The following SNRPN variants were observed in gnomAD, a reference collection of about 807,000 sequenced individuals.
SNRPN encodes the protein small nuclear ribonucleoprotein-associated protein N.
A neutral mutation model predicts 25.2 loss-of-function variants in SNRPN; 7 were observed. The observed-to-expected ratio is 0.28, with a 90% CI of 0.16 to 0.52. The LOEUF is 0.52. SNRPN is among the 20% of genes least tolerant of loss of function. SNRPN has a pLI of 0.96. For synonymous variants in SNRPN, 124 were observed against 110.6 expected, an observed-to-expected ratio of 1.12 and a Z score of -0.76; for missense variants, 196 against 322.5, an observed-to-expected ratio of 0.61 and a Z score of 3.00.
At chr15:24,831,248 T>C (rs2050490521) in intron 2 of SNRPN, among the ~76,000 whole-genome samples, 1 of 152,062 alleles carries the variant, frequency 6.6e-6, no homozygotes, top group Non-Finnish European at 1.5e-5. Flanking sequence ...AATAAAGCTA[T>C]GCCTGCTTTC....
At chr15:24,871,383 T>A (rs999662119) in intron 1 of SNRPN, among the ~76,000 whole-genome samples, 1 of 151,982 alleles carries the variant, frequency 6.6e-6, no homozygotes, top group Admixed American at 6.6e-5. Flanking sequence ...GTTTACTATC[T>A]CTATTATTTT....
intron 1 of SNRPN, among the ~76,000 whole-genome samples, chr15:24,862,756 CT>C (rs2054107208): frequency 6.6e-6 from 1 of 150,716 alleles, no homozygotes; most frequent in Non-Finnish European, 1.5e-5. Context: ...CAAGGGGGGC[CT>C]TCAGGAGGAG....
intron 2 of SNRPN, among the ~76,000 whole-genome samples, chr15:24,837,433 A>G (rs1210351269): frequency 6.7e-6 from 1 of 148,994 alleles, no homozygotes; most frequent in East Asian, 2.0e-4. Flanking sequence ...AGTGGCTGCG[A>G]TCTTGGCTCA....
At chr15:24,926,641 C>A (rs1342064121) in intron 3 of SNRPN, among the ~76,000 whole-genome samples, 1 of 151,182 alleles carries the variant, frequency 6.6e-6, no homozygotes, top group Non-Finnish European at 1.5e-5. Context: ...CACTTTTTAA[C>A]AAATAGATGT....
intron 1 of SNRPN, among the ~76,000 whole-genome samples, chr15:24,864,127 C>A (rs1328341535): frequency 4.1e-5 from 6 of 146,390 alleles, no homozygotes; most frequent in South Asian, 4.3e-4. Flanking sequence ...CCCGGGTTCA[C>A]ACTATTCTCC....
chr15:24,951,664 T>C (rs1225481488), upstream of SNRPN, among the ~76,000 whole-genome samples: 1 of 152,012 alleles, frequency 6.6e-6, no homozygotes, highest in East Asian at 1.9e-4. Context: ...TGTGCCACCA[T>C]GCCCAGCTAA....
chr15:24,874,309 C>CAAAAAA (rs199834006), intron 1 of SNRPN, among the ~76,000 whole-genome samples: 7 of 61,430 alleles, frequency 1.1e-4, no homozygotes, highest in South Asian at 7.8e-4. Flanking sequence ...GACTCTGTCT[C>CAAAAAA]AAAAAAAAAA....
At chr15:24,895,703 T>C (rs950595847) in intron 2 of SNRPN, among the ~76,000 whole-genome samples, 3 of 152,166 alleles carry the variant, frequency 2.0e-5, no homozygotes, top group Non-Finnish European at 4.4e-5. Context: ...AGGTACTCTC[T>C]TTGTGTTACT....
intron 2 of SNRPN, among the ~76,000 whole-genome samples, chr15:24,831,725 ATTTGTCTTTC>A (rs2050540445): frequency 1.3e-5 from 2 of 151,956 alleles, no homozygotes; most frequent in Non-Finnish European, 2.9e-5. Context: ...TTCATGTGGT[ATTTGTCTTTC>A]TCTTCCCGGC....
chr15:24,892,630 G>T (rs538568597), intron 2 of SNRPN, among the ~76,000 whole-genome samples: 2 of 114,720 alleles, frequency 1.7e-5, no homozygotes, highest in South Asian at 5.5e-4. Context: ...CCAGCTACTC[G>T]GGAGGCTGAG....
chr15:24,844,164 A>C (rs2051983054), intron 2 of SNRPN, among the ~76,000 whole-genome samples: 1 of 150,734 alleles, frequency 6.6e-6, no homozygotes, highest in South Asian at 2.1e-4. Context: ...GTGTGTGCGC[A>C]TGAGTAAATA....
At chr15:24,889,055 C>T (rs1451026489) in intron 2 of SNRPN, among the ~76,000 whole-genome samples, 1 of 151,822 alleles carries the variant, frequency 6.6e-6, no homozygotes, top group Admixed American at 6.6e-5. Flanking sequence ...GTAGCTGGAA[C>T]TACAGGCACA....
chr15:24,892,934 T>A (rs1396686565), intron 2 of SNRPN, among the ~76,000 whole-genome samples: 1 of 151,884 alleles, frequency 6.6e-6, no homozygotes, highest in African/African-American at 2.4e-5. Context: ...ATTGGCTGGG[T>A]GTGGTGGCTT....
intron 2 of SNRPN, among the ~76,000 whole-genome samples, chr15:24,899,530 CTA>C (rs1329020717): frequency 2.0e-5 from 3 of 152,212 alleles, no homozygotes; most frequent in Admixed American, 6.5e-5. Context: ...TTCTCCAGCA[CTA>C]TATTTCTACA....
At chr15:24,885,213 G>C (rs1039716645) in intron 1 of SNRPN, among the ~76,000 whole-genome samples, 2 of 152,152 alleles carry the variant, frequency 1.3e-5, no homozygotes, top group Non-Finnish European at 2.9e-5. Flanking sequence ...TCCTTGCACC[G>C]GTAGCCTAGG....
intron 3 of SNRPN, among the ~76,000 whole-genome samples, chr15:24,970,726 C>T (rs192070795): frequency 2.0e-5 from 3 of 152,170 alleles, no homozygotes; most frequent in African/African-American, 2.4e-5. Context: ...ACATTGTTTT[C>T]TAAACACATC....
At chr15:24,937,219 G>A (rs1455353525) in intron 3 of SNRPN, among the ~76,000 whole-genome samples, 1 of 151,988 alleles carries the variant, frequency 6.6e-6, no homozygotes, top group African/African-American at 2.4e-5. Context: ...CCAGCCTGGC[G>A]ACAGAGCGAG....
intron 2 of SNRPN, chr15:24,850,186 A>G (rs1761305475): frequency 6.6e-6 from 1 of 152,244 alleles, no homozygotes; most frequent in Admixed American, 6.5e-5. Flanking sequence ...ACAAGTGCAA[A>G]CAATGAAAGC....
intron 2 of SNRPN, among the ~76,000 whole-genome samples, chr15:24,887,209 A>G (rs12908951): frequency 0.41 from 60,686 of 146,588 alleles, 12,614 homozygotes; most frequent in Middle Eastern, 0.6. Flanking sequence ...GTGCAGTGGC[A>G]TGATCTCAGC....
Sources: gnomAD v4.1 joint callset for allele counts (sites outside exome capture counted in the v4.1 genomes callset) on GRCh38, gnomAD v4.1.1 for gene constraint, MANE v1.5 for transcripts, NCBI Gene and HGNC (gene_info 2026-07-23, HGNC 2026-07-21) for gene names.